PRSS23: variants seen among roughly 807,000 people sequenced by gnomAD.
The protein encoded by PRSS23 is serine protease 23.
Under a neutral mutation model 34.7 loss-of-function variants are expected in PRSS23, and 25 were observed. That is an observed-to-expected ratio of 0.72 (90% CI 0.53 to 1.01). The LOEUF (loss-of-function observed/expected upper bound fraction) is 1.01. Among genes scored for constraint, PRSS23 ranks in the 50% least tolerant of loss-of-function variants. The pLI is 0.00. For synonymous variants in PRSS23, 176 were observed against 186.6 expected (o/e 0.94, Z 0.46); for missense variants, 445 against 475.6 (o/e 0.94, Z 0.60).
chr11:86,893,737 T>C (rs1448310001), intron 2 of PRSS23, among the ~76,000 whole-genome samples: 1 of 151,732 alleles, frequency 6.6e-6, no homozygotes, highest in Non-Finnish European at 1.5e-5. Context: ...TGTTAAAAAT[T>C]TTTTTTAAAT....
Position 86,807,821 on chromosome 11 carries a change from G to A in PRSS23, c.178G>A (p.Glu60Lys). ...AGACTTTGGAGCCGAAGCCAAATTAGAAGTATCTTCTTCATGTGGACCCCA... is the reference window on the plus strand; with the variant it reads ...AGACTTTGGAGCCGAAGCCAAATTAAAAGTATCTTCTTCATGTGGACCCCA... ...KPDFGAEAKL[E>K]VSSSCGPQCH... Residue 60 changes from glutamate (E) to lysine (K), a missense_variant, in exon 2 of 2, where the codon GAA becomes AAA. Physicochemically the swap from Glu to Lys is moderately conservative, Grantham distance 56. Coordinates refer to ENST00000280258, the MANE Select transcript of PRSS23 (RefSeq NM_007173.6). The A allele has an allele frequency of 6.2e-7, 1 of 1,614,172 alleles. No homozygotes were observed.
At chr11:86,938,535 G>T (rs1401774121) in intron 2 of PRSS23, among the ~76,000 whole-genome samples, 1 of 152,206 alleles carries the variant, frequency 6.6e-6, no homozygotes, top group Non-Finnish European at 1.5e-5. Flanking sequence ...ATTGGCTAGA[G>T]CATAGGGTGT....
At chr11:86,848,472 G>A (rs563528081) in intron 2 of PRSS23, among the ~76,000 whole-genome samples, 9 of 152,270 alleles carry the variant, frequency 5.9e-5, no homozygotes, top group Admixed American at 5.2e-4. Context: ...CATTTTAAAA[G>A]GGTTGAGGAA....
chr11:86,878,742 A>C (rs1274968330), intron 2 of PRSS23, among the ~76,000 whole-genome samples: 1 of 145,876 alleles, frequency 6.9e-6, no homozygotes, highest in Non-Finnish European at 1.5e-5. Flanking sequence ...GGACGTGAGG[A>C]GCCCCACTGC....
chr11:86,919,352 G>A (rs1029562464), intron 2 of PRSS23, among the ~76,000 whole-genome samples: 4 of 152,190 alleles, frequency 2.6e-5, no homozygotes, highest in Non-Finnish European at 4.4e-5. Context: ...TGCCACAGAC[G>A]GAGGCCCTGT....
At chr11:86,856,271 A>G (rs1190657454) in intron 2 of PRSS23, among the ~76,000 whole-genome samples, 1 of 152,056 alleles carries the variant, frequency 6.6e-6, no homozygotes, top group East Asian at 1.9e-4. Flanking sequence ...GTTCTTATTC[A>G]TTGGAGCTTG....
At chr11:86,903,675 G>A (rs893654449) in intron 2 of PRSS23, among the ~76,000 whole-genome samples, 1 of 151,778 alleles carries the variant, frequency 6.6e-6, no homozygotes, top group African/African-American at 2.4e-5. Context: ...AGTAGAGTTG[G>A]GGTTTCACTG....
At chr11:86,829,718 CA>C (rs1472136907) in intron 2 of PRSS23, among the ~76,000 whole-genome samples, 22 of 152,338 alleles carry the variant, frequency 1.4e-4, no homozygotes, top group African/African-American at 4.8e-4. Context: ...ACAGGACCCT[CA>C]GCTGCAGGTC....
chr11:86,800,529 C>A (rs918249634), upstream of PRSS23: 2 of 984,502 alleles, frequency 2.0e-6, no homozygotes, highest in Non-Finnish European at 2.4e-6. Flanking sequence ...CTGCGCTGCT[C>A]GCCAGCTTGC....
chr11:86,868,414 T>A (rs1447806541), intron 2 of PRSS23, among the ~76,000 whole-genome samples: 1 of 151,968 alleles, frequency 6.6e-6, no homozygotes, highest in Non-Finnish European at 1.5e-5. Flanking sequence ...GGGAAAGAGG[T>A]TATAAATGTT....
chr11:86,798,775 C>T (rs1003862867), upstream of PRSS23, among the ~76,000 whole-genome samples: 2 of 152,166 alleles, frequency 1.3e-5, no homozygotes, highest in Non-Finnish European at 2.9e-5. Flanking sequence ...TCATTGCAAC[C>T]TCCACCTCCT....
chr11:86,797,081 G>A (rs1947986148), upstream of PRSS23, among the ~76,000 whole-genome samples: 1 of 152,246 alleles, frequency 6.6e-6, no homozygotes, highest in African/African-American at 2.4e-5. Context: ...CTTACACAGA[G>A]TGGATGATCA....
intron 2 of PRSS23, among the ~76,000 whole-genome samples, chr11:86,859,458 G>A (rs555923556): frequency 2.2e-4 from 34 of 151,848 alleles, no homozygotes; most frequent in African/African-American, 6.8e-4. Flanking sequence ...TCCCAATATC[G>A]TAGAAAGTGT....
intron 2 of PRSS23, among the ~76,000 whole-genome samples, chr11:86,867,634 C>T (rs1187016965): frequency 6.6e-6 from 1 of 152,164 alleles, no homozygotes; most frequent in African/African-American, 2.4e-5. Flanking sequence ...AATCCCAGCA[C>T]TTTGAGAGGC....
At chr11:86,947,483 T>A (rs977936516) in intron 2 of PRSS23, 2 of 152,258 alleles carry the variant, frequency 1.3e-5, no homozygotes, top group African/African-American at 4.8e-5. Flanking sequence ...TAAAAGGTGC[T>A]GAACAGAATC....
intron 2 of PRSS23, among the ~76,000 whole-genome samples, chr11:86,884,830 A>G (rs1948792275): frequency 2.0e-5 from 3 of 152,140 alleles, no homozygotes; most frequent in Admixed American, 2.0e-4. Flanking sequence ...ATGACCTTGA[A>G]TGGTGTTGCC....
At chr11:86,847,636 A>G (rs957104041) in intron 2 of PRSS23, among the ~76,000 whole-genome samples, 1 of 152,160 alleles carries the variant, frequency 6.6e-6, no homozygotes, top group African/African-American at 2.4e-5. Context: ...ACACTCCCTT[A>G]AGATGTATCC....
At chr11:86,844,690 G>A (rs1948473128) in intron 2 of PRSS23, among the ~76,000 whole-genome samples, 1 of 152,170 alleles carries the variant, frequency 6.6e-6, no homozygotes, top group Non-Finnish European at 1.5e-5. Context: ...CTAATCAATA[G>A]AATCATAGGA....
At position 86,873,256 on chromosome 11, in the gene PRSS23, G is replaced by A. The variant is rs148819106; in HGVS notation, c.206+49663G>A. 2.3e-3 allele frequency among the ~76,000 whole-genome samples: 273 copies of A among 121,106 alleles called. 2 individuals carry two copies. Among genetic ancestry groups the A allele is most frequent in the African/African-American group, 8.1e-3 (226 of 27,978 alleles). The allele number at this position is 121,106 out of a possible 152,430, so 79.5% of individuals were successfully genotyped here. ...TATATACACACACACACATATATAT[G>A]TATATATATATACACACACATATAT... On this transcript the variant is annotated intron_variant, in intron 2 of 2. Coordinates refer to the PRSS23 transcript ENST00000533902.
Sources: allele counts gnomAD v4.1 joint callset (sites outside exome capture counted in the v4.1 genomes callset), GRCh38; gene constraint gnomAD v4.1.1; transcripts MANE v1.5; gene names NCBI Gene and HGNC (gene_info 2026-07-23, HGNC 2026-07-21).